LMF1: variants seen among roughly 807,000 people sequenced by gnomAD.
LMF1 encodes transmembrane protein 112.
Under a neutral mutation model 60.6 loss-of-function variants are expected in LMF1, and 68 were observed. The observed-to-expected ratio is 1.12, with a 90% confidence interval of 0.92 to 1.37. LMF1 has a LOEUF of 1.37. Ranked by LOEUF, LMF1 falls within the 40% of genes most tolerant of loss-of-function variation. The pLI is 0.00. For missense variants in LMF1, 948 were observed against 767.2 expected (o/e 1.24, Z -2.78); for synonymous variants, 418 against 324.7 (o/e 1.29, Z -3.09).
At chr16:872,235 T>A (rs1294897003) in intron 6 of LMF1, 2 of 152,168 alleles carry the variant, frequency 1.3e-5, no homozygotes, top group African/African-American at 4.8e-5. Context: ...AGGACCTGGG[T>A]GTGGCTTCCT....
intron 10 of LMF1, among the ~76,000 whole-genome samples, chr16:861,634 G>T (rs2069470016): frequency 6.6e-6 from 1 of 152,152 alleles, no homozygotes; most frequent in African/African-American, 2.4e-5. Flanking sequence ...GGGATTGCAG[G>T]TGTGAGCCGC....
chr16:863,372 G>A (rs945760103), intron 10 of LMF1, among the ~76,000 whole-genome samples: 2 of 152,140 alleles, frequency 1.3e-5, no homozygotes, highest in African/African-American at 4.8e-5. Context: ...GAATTCCTGA[G>A]TTCAGGTGAT....
intron 10 of LMF1, chr16:855,168 G>A (rs1010587920): frequency 2.8e-5 from 7 of 253,132 alleles, no homozygotes; most frequent in South Asian, 9.7e-5. Flanking sequence ...TGGGGGTTTC[G>A]GTCCACGGGG....
At position 897,459 on chromosome 16, in the gene LMF1, A is replaced by T. The variant is rs943761084; in HGVS notation, c.664-4387T>A. 6.6e-6 allele frequency among the ~76,000 whole-genome samples: 1 copy of T among 152,140 alleles called. No homozygotes were observed. Among genetic ancestry groups the T allele is most frequent in the African/African-American group, 2.4e-5 (1 of 41,422 alleles). On this transcript the variant is annotated intron_variant, in intron 4 of 10. Transcript: ENST00000262301. The surrounding 1 kb of genome is among the most constrained non-coding windows in gnomAD (Gnocchi z 4.3). Reference sequence around the variant, plus strand: ...CAACCTCCTCCATCCTTCTGGCGTTAGGGTCCCCTCGCCTGTATCAGTGGC... The same window carrying T: ...CAACCTCCTCCATCCTTCTGGCGTTTGGGTCCCCTCGCCTGTATCAGTGGC...
intron 1 of LMF1, chr16:964,208 A>G (rs2072876082): frequency 4.5e-6 from 2 of 444,168 alleles, no homozygotes; most frequent in Non-Finnish European, 9.2e-6. Context: ...AGGCAGGAGA[A>G]TCTCTTGAAA....
intron 6 of LMF1, chr16:873,706 G>A (rs1348099360): frequency 6.6e-6 from 1 of 152,182 alleles, no homozygotes; most frequent in Non-Finnish European, 1.5e-5. Context: ...TGGGCACTCT[G>A]GTGGGCGTGA....
At chr16:978,364 CAT>C (rs1355701812) in intron 1 of LMF1, among the ~76,000 whole-genome samples, 3 of 151,896 alleles carry the variant, frequency 2.0e-5, no homozygotes, top group Non-Finnish European at 2.9e-5. Context: ...CACACACACA[CAT>C]GAACACACGC....
intron 2 of LMF1, among the ~76,000 whole-genome samples, chr16:945,150 G>T (rs1346681942): frequency 6.9e-6 from 1 of 145,572 alleles, no homozygotes; most frequent in African/African-American, 2.6e-5. Context: ...AGTGGAGGCT[G>T]CAATGGACCG....
chr16:954,606 A>G lies in LMF1; in HGVS notation c.254T>C (p.Leu85Pro). 1 of 1,610,452 alleles carries G rather than the reference A, an allele frequency of 6.2e-7. No individual in the cohort carries two copies. The highest frequency in any genetic ancestry group is 8.5e-7 in the Non-Finnish European group (1 of 1,177,464). ...GTTCTTCAGGAACACTCTGCAGGGAAGCAGCCCCCTGTCACCGATGAGCTG... is the reference window on the plus strand; with the variant it reads ...GTTCTTCAGGAACACTCTGCAGGGAGGCAGCCCCCTGTCACCGATGAGCTG... ...NKQLIGDRGLLPCRVFLKNFQ... is the reference protein window; with the variant it reads ...NKQLIGDRGLPPCRVFLKNFQ... The change falls in exon 2 of 11, where the codon CTT becomes CCT. Residue 85 changes from leucine (L) to proline (P), a missense_variant. Physicochemically the swap from Leu to Pro is moderately conservative, Grantham distance 98. Coordinates refer to ENST00000262301, the MANE Select transcript of LMF1 (RefSeq NM_022773.4).
intron 2 of LMF1, among the ~76,000 whole-genome samples, chr16:941,877 A>T (rs568458290): frequency 1.3e-5 from 2 of 152,302 alleles, no homozygotes; most frequent in Admixed American, 6.5e-5. Flanking sequence ...CTTTGTGCTA[A>T]TGTTGTGTAT....
chr16:949,751 G>C (rs1230927689), intron 2 of LMF1, among the ~76,000 whole-genome samples: 67 of 103,720 alleles, frequency 6.5e-4, no homozygotes, highest in African/African-American at 3.6e-3. Context: ...AGAGACGACA[G>C]AGTCAGAGCC....
At chr16:973,689 T>C (rs1183392896), upstream of LMF1, among the ~76,000 whole-genome samples, 1 of 152,198 alleles carries the variant, frequency 6.6e-6, no homozygotes, top group Non-Finnish European at 1.5e-5. Flanking sequence ...CTATGTGAAT[T>C]TCGCCTCGAA....
At chr16:864,558 A>G (rs1204950885) in intron 10 of LMF1, among the ~76,000 whole-genome samples, 3 of 152,184 alleles carry the variant, frequency 2.0e-5, no homozygotes, top group African/African-American at 7.2e-5. Flanking sequence ...CTGAGCTACG[A>G]CGGATGTTTG....
chr16:969,429 G>A (rs1318429850), intron 1 of LMF1, among the ~76,000 whole-genome samples: 1 of 152,232 alleles, frequency 6.6e-6, no homozygotes, highest in African/African-American at 2.4e-5. Context: ...TGATGAGCGC[G>A]TCTCATCACT....
intron 3 of LMF1, among the ~76,000 whole-genome samples, chr16:912,083 G>C (rs547807541): frequency 6.6e-6 from 1 of 152,292 alleles, no homozygotes; most frequent in East Asian, 1.9e-4. Flanking sequence ...CACAGGCCGG[G>C]CTCCCTCCTG....
chr16:854,635 C>T lies in LMF1; in HGVS notation c.1601G>A (p.Trp534Ter), dbSNP rs377691039. 3.7e-5 allele frequency: 59 copies of T among 1,607,082 alleles called. No homozygotes were observed. The highest frequency in any genetic ancestry group is 4.6e-5 in the Non-Finnish European group (54 of 1,178,500). The part of the protein sequence containing the change: ...PGGRHAAEGK[W>*]WVRKRIGAYF... ...GGCTCCGATCCTCTTCCGCACCCAC[C>T]ACTTGCCCTCGGCGGCGTGCCTGCC... The change falls in exon 11 of 11, where the codon TGG (tryptophan) becomes TAG (stop). Residue 534 changes from tryptophan (W) to a stop codon, truncating the protein, a stop_gained. Transcript: ENST00000262301. LOFTEE classifies it low-confidence loss of function (END_TRUNC).
intron 2 of LMF1, chr16:934,600 A>G (rs1024240069): frequency 1.2e-5 from 4 of 343,140 alleles, no homozygotes; most frequent in African/African-American, 8.5e-5. Context: ...GAATCTGAAA[A>G]TTTAAGGACA....
upstream of LMF1, among the ~76,000 whole-genome samples, chr16:973,049 T>G (rs1037092131): frequency 1.3e-5 from 2 of 152,156 alleles, no homozygotes; most frequent in African/African-American, 2.4e-5. Context: ...TGGGTTATGA[T>G]TCAGCCATCA....
chr16:964,740 C>T (rs982033053), intron 1 of LMF1, among the ~76,000 whole-genome samples: 7 of 152,316 alleles, frequency 4.6e-5, no homozygotes, highest in South Asian at 2.1e-4. Flanking sequence ...TTAGCAAATA[C>T]GGGTGCAAAC....
Sources: gnomAD v4.1 joint callset for allele counts (sites outside exome capture counted in the v4.1 genomes callset) on GRCh38, gnomAD v4.1.1 for gene constraint, Gnocchi (gnomAD v3.1) non-coding constraint, MANE v1.5 for transcripts, NCBI Gene and HGNC (gene_info 2026-07-23, HGNC 2026-07-21) for gene names.